Variants in C13orf42 observed in about 807,000 individuals in gnomAD.
C13orf42 encodes uncharacterized protein C13orf42.
At chr13:51,124,950 A>AT (rs147861697) in intron 1 of C13orf42, among the ~76,000 whole-genome samples, 2 of 151,602 alleles carry the variant, frequency 1.3e-5, no homozygotes, top group South Asian at 2.1e-4. Flanking sequence ...GGTTAAATGA[A>AT]TTTTTTTTTC....
chr13:51,114,665 G>T (rs1452327005), upstream of C13orf42, among the ~76,000 whole-genome samples: 104 of 106,976 alleles, frequency 9.7e-4, no homozygotes, highest in South Asian at 2.4e-3. Context: ...CAGACAGACA[G>T]ACAGACAGAC....
intron 1 of C13orf42, among the ~76,000 whole-genome samples, chr13:51,150,514 T>C (rs1346372747): frequency 1.3e-5 from 2 of 152,198 alleles, no homozygotes; most frequent in Non-Finnish European, 2.9e-5. Flanking sequence ...AAAACATATA[T>C]ATTCAGCCCA....
intron 1 of C13orf42, among the ~76,000 whole-genome samples, chr13:51,105,182 G>T (rs1953339258): frequency 6.6e-6 from 1 of 152,216 alleles, no homozygotes; most frequent in African/African-American, 2.4e-5. Flanking sequence ...CTCAGAAGGG[G>T]CTGGCAGAAG....
At chr13:51,105,666 G>T (rs1953345477) in intron 1 of C13orf42, among the ~76,000 whole-genome samples, 1 of 152,122 alleles carries the variant, frequency 6.6e-6, no homozygotes, top group Non-Finnish European at 1.5e-5. Flanking sequence ...CTCATCTATG[G>T]CAGCTGAATT....
chr13:51,120,468 G>T (rs1476726125), intron 1 of C13orf42, among the ~76,000 whole-genome samples: 14 of 152,184 alleles, frequency 9.2e-5, no homozygotes, highest in Non-Finnish European at 2.1e-4. Flanking sequence ...TTCTAGATAT[G>T]TAGTGGGAGC....
At chr13:51,152,781 G>A (rs961071998) in intron 1 of C13orf42, among the ~76,000 whole-genome samples, 5 of 152,134 alleles carry the variant, frequency 3.3e-5, no homozygotes, top group African/African-American at 7.2e-5. Context: ...GGTGGCTCTG[G>A]CAAACCTAAG....
chr13:51,110,250 C>T (rs1252791926), intron 1 of C13orf42, among the ~76,000 whole-genome samples: 1 of 152,160 alleles, frequency 6.6e-6, no homozygotes. Flanking sequence ...TTTTTAAAAA[C>T]CAACAATTTG....
chr13:51,095,263 C>T (rs901352299), intron 1 of C13orf42, among the ~76,000 whole-genome samples: 7 of 151,934 alleles, frequency 4.6e-5, no homozygotes, highest in African/African-American at 1.7e-4. Context: ...TTCTCTTTGT[C>T]CTTTTAGCAA....
intron 1 of C13orf42, among the ~76,000 whole-genome samples, chr13:51,099,799 C>T (rs1357184237): frequency 6.6e-6 from 1 of 152,122 alleles, no homozygotes; most frequent in African/African-American, 2.4e-5. Flanking sequence ...CTCACCTGGC[C>T]CAGCTTTATA....
intron 1 of C13orf42, among the ~76,000 whole-genome samples, chr13:51,153,733 C>T (rs1413041278): frequency 1.4e-5 from 2 of 147,762 alleles, no homozygotes; most frequent in Non-Finnish European, 3.0e-5. Context: ...CCTCCGTCTC[C>T]TGAGCTCAAG....
At chr13:51,160,441 G>A (rs1328152558) in intron 1 of C13orf42, among the ~76,000 whole-genome samples, 2 of 152,190 alleles carry the variant, frequency 1.3e-5, no homozygotes, top group African/African-American at 2.4e-5. Context: ...CCTGGGAGAC[G>A]GAGGTTGCAG....
At chr13:51,117,918 C>T (rs1453553821) in intron 1 of C13orf42, among the ~76,000 whole-genome samples, 2 of 152,198 alleles carry the variant, frequency 1.3e-5, no homozygotes, top group Admixed American at 1.3e-4. Flanking sequence ...GTTGCTCTTG[C>T]CTGCATGGTC....
At chr13:51,132,004 T>C (rs973532577) in intron 1 of C13orf42, among the ~76,000 whole-genome samples, 7 of 152,326 alleles carry the variant, frequency 4.6e-5, no homozygotes, top group South Asian at 2.1e-4. Flanking sequence ...TGAGCATGTA[T>C]TGGAATCATC....
intron 1 of C13orf42, among the ~76,000 whole-genome samples, chr13:51,154,357 T>C (rs753998931): frequency 3.9e-5 from 6 of 152,228 alleles, no homozygotes; most frequent in Non-Finnish European, 7.3e-5. Flanking sequence ...GGAAGTGGAA[T>C]TGCTGAGTCA....
intron 3 of C13orf42, among the ~76,000 whole-genome samples, chr13:51,085,052 T>C (rs1322060456): frequency 1.3e-5 from 2 of 151,854 alleles, no homozygotes; most frequent in Non-Finnish European, 2.9e-5. Context: ...GCACAGTGCA[T>C]GGGCTAAGTG....
chr13:51,101,142 T>C (rs563378274), intron 1 of C13orf42, among the ~76,000 whole-genome samples: 1 of 152,292 alleles, frequency 6.6e-6, no homozygotes, highest in East Asian at 1.9e-4. Context: ...TATAAATACA[T>C]GCCAAATATT....
intron 1 of C13orf42, among the ~76,000 whole-genome samples, chr13:51,146,976 T>A (rs1953740685): frequency 6.6e-6 from 1 of 152,210 alleles, no homozygotes; most frequent in East Asian, 1.9e-4. Flanking sequence ...CTGGTCAGTG[T>A]CAAAGCTCAC....
At position 51,111,018 on chromosome 13, in the gene C13orf42, G is replaced by A. The variant is rs1953424737; in HGVS notation, c.192C>T (p.Thr64=). 2.5e-6 allele frequency: 1 copy of A among 398,694 alleles called. No individual in the cohort carries two copies. The highest frequency in any genetic ancestry group is 4.4e-6 in the Non-Finnish European group (1 of 226,130). 24.7% of individuals were successfully genotyped at this position (398,694 alleles called of 1,614,324 possible). Residue 64 remains threonine (T), a synonymous_variant, in exon 1 of 4, where the codon ACC becomes ACT. Coordinates refer to ENST00000563710, the MANE Select transcript of C13orf42 (RefSeq NM_001351589.3). ...KKYKSTSSMD[T]SLYYLRQEED... The stretch of plus-strand genomic sequence containing the variant: ...CCTCCTGCCGCAGGTAGTACAGGCT[G>A]GTGTCCATGCTACTGGTGCTTTTGT...
chr13:51,134,175 C>G (rs146069481), intron 1 of C13orf42, among the ~76,000 whole-genome samples: 101 of 152,288 alleles, frequency 6.6e-4, no homozygotes, highest in Non-Finnish European at 1.4e-3. Context: ...AGCCCAAATC[C>G]TCACCTCCCT....
Sources: gnomAD v4.1 joint callset for allele counts (sites outside exome capture counted in the v4.1 genomes callset) on GRCh38, gnomAD v4.1.1 for gene constraint, MANE v1.5 for transcripts, NCBI Gene and HGNC (gene_info 2026-07-23, HGNC 2026-07-21) for gene names.